The following NRG3 variants were observed in gnomAD, a reference collection of about 807,000 sequenced individuals.
The protein encoded by NRG3 is pro-neuregulin-3, membrane-bound isoform.
NRG3 carries 31 observed loss-of-function variants against 66.9 expected under a neutral mutation model. The ratio of observed to expected loss-of-function variants is 0.46; its 90% confidence interval spans 0.35 to 0.63. The LOEUF is 0.63. NRG3 is among the 20% of genes least tolerant of loss of function. The pLI is 0.00. For synonymous variants in NRG3, 393 were observed against 359.4 expected (o/e 1.09, Z -1.06); for missense variants, 910 against 878.9 (o/e 1.04, Z -0.45).
intron 1 of NRG3, among the ~76,000 whole-genome samples, chr10:82,221,123 G>T (rs2075920208): frequency 1.3e-5 from 2 of 152,142 alleles, no homozygotes; most frequent in Non-Finnish European, 2.9e-5. Flanking sequence ...TGTGCTTCCT[G>T]CAACACCTTT....
At chr10:82,863,577 T>A (rs2064256946) in intron 3 of NRG3, among the ~76,000 whole-genome samples, 1 of 152,208 alleles carries the variant, frequency 6.6e-6, no homozygotes, top group Non-Finnish European at 1.5e-5. Context: ...GGTATCTCAT[T>A]GTGGTTTTGA....
chr10:82,848,091 G>C (rs1195314984), intron 3 of NRG3, among the ~76,000 whole-genome samples: 1 of 152,194 alleles, frequency 6.6e-6, no homozygotes, highest in Non-Finnish European at 1.5e-5. Context: ...ATTGGCCTTT[G>C]CTGCACTTCA....
At chr10:82,448,279 C>T (rs772040951) in intron 2 of NRG3, among the ~76,000 whole-genome samples, 1 of 152,212 alleles carries the variant, frequency 6.6e-6, no homozygotes, top group Non-Finnish European at 1.5e-5. Context: ...TGGCAGCCCC[C>T]ACCCGCTTTA....
At chr10:82,362,551 T>G (rs796890014) in intron 2 of NRG3, among the ~76,000 whole-genome samples, 1 of 100,032 alleles carries the variant, frequency 1.0e-5, no homozygotes, top group Non-Finnish European at 1.8e-5. Context: ...TTTCTGGGTT[T>G]TTTTTTTTTT....
chr10:82,212,988 C>A (rs1458840269), intron 1 of NRG3, among the ~76,000 whole-genome samples: 1 of 152,108 alleles, frequency 6.6e-6, no homozygotes, highest in East Asian at 1.9e-4. Flanking sequence ...TTTCTATGGT[C>A]TTTATTGCCC....
intron 2 of NRG3, among the ~76,000 whole-genome samples, chr10:82,649,200 G>A (rs1297892089): frequency 6.6e-6 from 1 of 152,132 alleles, no homozygotes; most frequent in African/African-American, 2.4e-5. Context: ...GTTTGCAGAT[G>A]ACATGATTGT....
intron 1 of NRG3, among the ~76,000 whole-genome samples, chr10:81,968,508 G>A (rs970571441): frequency 6.6e-6 from 1 of 152,162 alleles, no homozygotes; most frequent in Admixed American, 6.5e-5. Flanking sequence ...TGACGTTGGG[G>A]GACTGGGCAC....
At chr10:82,706,926 G>A (rs1267393800) in intron 2 of NRG3, among the ~76,000 whole-genome samples, 7 of 151,346 alleles carry the variant, frequency 4.6e-5, no homozygotes, top group South Asian at 4.2e-4. Context: ...CCCAGGAGGC[G>A]GAGGTTGCAG....
At chr10:82,630,195 C>G (rs1267974211) in intron 2 of NRG3, among the ~76,000 whole-genome samples, 1 of 151,562 alleles carries the variant, frequency 6.6e-6, no homozygotes, top group Non-Finnish European at 1.5e-5. Context: ...CAAATGAATT[C>G]GGAATAAGAA....
intron 3 of NRG3, among the ~76,000 whole-genome samples, chr10:82,768,894 C>G (rs1478263107): frequency 6.6e-6 from 1 of 152,046 alleles, no homozygotes; most frequent in Non-Finnish European, 1.5e-5. Context: ...AATTTAAACT[C>G]AACCCTCAAG....
intron 2 of NRG3, among the ~76,000 whole-genome samples, chr10:82,605,806 A>G (rs2047931833): frequency 6.6e-6 from 1 of 152,040 alleles, no homozygotes; most frequent in Non-Finnish European, 1.5e-5. Flanking sequence ...AGGCCCATAC[A>G]GATTACCTAT....
intron 1 of NRG3, among the ~76,000 whole-genome samples, chr10:81,942,991 G>A (rs1302674617): frequency 1.3e-5 from 2 of 152,106 alleles, no homozygotes; most frequent in Non-Finnish European, 2.9e-5. Context: ...GCCAGTTTGT[G>A]TTTTCTCCCT....
At chr10:82,907,388 T>C (rs1844847690) in intron 4 of NRG3, among the ~76,000 whole-genome samples, 1 of 152,222 alleles carries the variant, frequency 6.6e-6, no homozygotes, top group African/African-American at 2.4e-5. Flanking sequence ...TTTACCCCAC[T>C]TTTAACAGTT....
chr10:82,413,633 G>T (rs1029310232), intron 2 of NRG3, among the ~76,000 whole-genome samples: 1 of 152,112 alleles, frequency 6.6e-6, no homozygotes, highest in African/African-American at 2.4e-5. Context: ...GAGGGTTTTA[G>T]ATGGCATCCC....
At chr10:82,875,213 C>G (rs1318083995) in intron 4 of NRG3, among the ~76,000 whole-genome samples, 2 of 152,150 alleles carry the variant, frequency 1.3e-5, no homozygotes, top group Non-Finnish European at 2.9e-5. Flanking sequence ...TCATTTATCT[C>G]CTCTGATAGA....
chr10:81,982,525 C>G (rs1289873023), intron 1 of NRG3, among the ~76,000 whole-genome samples: 3 of 152,188 alleles, frequency 2.0e-5, no homozygotes, highest in African/African-American at 7.2e-5. Context: ...GCTGCCATAA[C>G]AAAATACCAC....
chr10:82,866,046 G>C (rs929645828), intron 4 of NRG3, among the ~76,000 whole-genome samples: 4 of 152,126 alleles, frequency 2.6e-5, no homozygotes, highest in African/African-American at 9.7e-5. Flanking sequence ...TATAGTCACA[G>C]ATAACTGCAT....
intron 1 of NRG3, among the ~76,000 whole-genome samples, chr10:82,117,179 T>TG (rs2067779552): frequency 6.6e-6 from 1 of 152,102 alleles, no homozygotes; most frequent in Non-Finnish European, 1.5e-5. Flanking sequence ...CAGGCGGAAA[T>TG]AGTTCCTCCC....
intron 1 of NRG3, among the ~76,000 whole-genome samples, chr10:82,015,182 TG>T (rs2132674836): frequency 6.6e-6 from 1 of 152,254 alleles, no homozygotes; most frequent in South Asian, 2.1e-4. Context: ...GAAGCGCAAA[TG>T]TAAAAATTCT....
Sources: allele counts gnomAD v4.1 joint callset (sites outside exome capture counted in the v4.1 genomes callset), GRCh38; gene constraint gnomAD v4.1.1; transcripts MANE v1.5; gene names NCBI Gene and HGNC (gene_info 2026-07-23, HGNC 2026-07-21).